GRID2: variants seen among roughly 807,000 people sequenced by gnomAD.
GRID2 encodes glutamate ionotropic receptor delta type subunit 2.
A neutral mutation model predicts 114.8 loss-of-function variants in GRID2; 33 were observed. The ratio of observed to expected loss-of-function variants is 0.29; its 90% CI spans 0.22 to 0.38. The LOEUF is 0.38. GRID2 is among the 10% of genes least tolerant of loss of function. The pLI is 1.00. For missense variants in GRID2, 1,184 were observed against 1,257.7 expected, an observed-to-expected ratio of 0.94 and a Z score of 0.89; for synonymous variants, 505 against 449.9, an observed-to-expected ratio of 1.12 and a Z score of -1.55.
intron 2 of GRID2, among the ~76,000 whole-genome samples, chr4:93,071,030 C>T (rs1728762168): frequency 6.6e-6 from 1 of 151,998 alleles, no homozygotes; most frequent in South Asian, 2.1e-4. Context: ...CTTATATATT[C>T]TAGTCTTATT....
At chr4:92,476,305 G>C (rs55705165) in intron 1 of GRID2, among the ~76,000 whole-genome samples, 1 of 152,210 alleles carries the variant, frequency 6.6e-6, no homozygotes, top group South Asian at 2.1e-4. Context: ...AATTATAGGC[G>C]TGAGCAACTG....
chr4:93,340,520 G>A (rs1230970867), intron 8 of GRID2, among the ~76,000 whole-genome samples: 1 of 151,726 alleles, frequency 6.6e-6, no homozygotes, highest in Admixed American at 6.6e-5. Flanking sequence ...AGTTTTTTTG[G>A]TTGTTTTGTG....
At chr4:93,313,249 A>T (rs1024732868) in intron 8 of GRID2, among the ~76,000 whole-genome samples, 12 of 152,170 alleles carry the variant, frequency 7.9e-5, no homozygotes, top group Non-Finnish European at 1.3e-4. Flanking sequence ...CAAAAGGGAC[A>T]TAAGGGAGCA....
chr4:93,046,511 G>A (rs1726151292), intron 2 of GRID2, among the ~76,000 whole-genome samples: 1 of 152,140 alleles, frequency 6.6e-6, no homozygotes, highest in Non-Finnish European at 1.5e-5. Flanking sequence ...AGTTTAGAAA[G>A]TTTACAGAAA....
At chr4:92,730,832 C>A (rs1243017592) in intron 2 of GRID2, among the ~76,000 whole-genome samples, 1 of 151,938 alleles carries the variant, frequency 6.6e-6, no homozygotes. Context: ...TAATTCAAAT[C>A]TTTGCAGAAG....
At chr4:92,910,099 T>G (rs1055001484) in intron 2 of GRID2, among the ~76,000 whole-genome samples, 3 of 151,964 alleles carry the variant, frequency 2.0e-5, no homozygotes, top group Non-Finnish European at 2.9e-5. Flanking sequence ...GGTGAGAAAT[T>G]TAAAGCCATT....
intron 10 of GRID2, among the ~76,000 whole-genome samples, chr4:93,445,474 CT>C (rs1560626316): frequency 6.6e-6 from 1 of 151,882 alleles, no homozygotes; most frequent in East Asian, 1.9e-4. Flanking sequence ...TATTTTTCAT[CT>C]TAGTTTTGCT....
At chr4:93,807,313 T>C (rs1007599187) in exon 2 of GRID2, 1 of 152,212 alleles carries the variant, frequency 6.6e-6, no homozygotes. Flanking sequence ...CCAAGGAGAA[T>C]GGCAGAACTT....
Position 92,449,663 on chromosome 4 carries a change from A to G in GRID2, c.89-140468A>G, listed in dbSNP as rs547640383. On this transcript the variant is annotated intron_variant, in intron 1 of 15. Transcript: ENST00000282020. ...ACTTGTAATATAATCAAATATGTCT[A>G]TCTTTTCTTACTGATATATATATAT... 3.2e-5 allele frequency among the ~76,000 whole-genome samples: 4 copies of G among 124,756 alleles called. No individual in the cohort carries two copies. In the East Asian group the frequency reaches 6.8e-4, roughly 21 times the overall value. 81.8% of individuals were successfully genotyped at this position (124,756 alleles called of 152,430 possible).
intron 14 of GRID2, among the ~76,000 whole-genome samples, chr4:93,746,563 A>G (rs768118272): frequency 6.6e-6 from 1 of 152,130 alleles, no homozygotes; most frequent in Non-Finnish European, 1.5e-5. Context: ...ATCATTTTGC[A>G]ACATGTTTTC....
intron 1 of GRID2, among the ~76,000 whole-genome samples, chr4:92,524,607 G>T (rs994650207): frequency 6.6e-6 from 1 of 151,180 alleles, no homozygotes; most frequent in Non-Finnish European, 1.5e-5. Context: ...AAAAATCCAG[G>T]GTACTTTCCC....
intron 1 of GRID2, among the ~76,000 whole-genome samples, chr4:92,511,396 A>G (rs1323084053): frequency 6.6e-6 from 1 of 151,868 alleles, no homozygotes; most frequent in Non-Finnish European, 1.5e-5. Flanking sequence ...GTCCACCGCC[A>G]ACACTGGGAA....
intron 12 of GRID2, among the ~76,000 whole-genome samples, chr4:93,491,933 A>G (rs930078630): frequency 1.1e-4 from 17 of 152,018 alleles, no homozygotes; most frequent in African/African-American, 4.1e-4. Flanking sequence ...TTATCCATTC[A>G]TAAAATTGAT....
chr4:93,569,848 C>T (rs558709009), intron 13 of GRID2, among the ~76,000 whole-genome samples: 123 of 152,246 alleles, frequency 8.1e-4, no homozygotes, highest in Non-Finnish European at 1.2e-3. Context: ...AAAAAAGAAA[C>T]CTACCTGACT....
chr4:93,310,371 C>T (rs1444844359), intron 8 of GRID2, among the ~76,000 whole-genome samples: 1 of 151,860 alleles, frequency 6.6e-6, no homozygotes, highest in Non-Finnish European at 1.5e-5. Context: ...AACAAACACA[C>T]ACACAAAAAG....
At chr4:93,424,614 C>A (rs1768660178) in intron 10 of GRID2, among the ~76,000 whole-genome samples, 1 of 151,946 alleles carries the variant, frequency 6.6e-6, no homozygotes. Context: ...CTACAAGTTT[C>A]TCTTCATTTT....
At chr4:93,124,163 G>T (rs975147113) in intron 4 of GRID2, among the ~76,000 whole-genome samples, 1 of 151,424 alleles carries the variant, frequency 6.6e-6, no homozygotes, top group Middle Eastern at 3.2e-3. Flanking sequence ...GGCAGTGTTT[G>T]TCTATTGCTG....
chr4:92,718,604 T>G (rs939977303), intron 2 of GRID2, among the ~76,000 whole-genome samples: 1 of 151,482 alleles, frequency 6.6e-6, no homozygotes. Context: ...TCTCTGCAAT[T>G]TTTTTTTAAA....
chr4:93,172,433 T>C (rs1197118970), intron 4 of GRID2, among the ~76,000 whole-genome samples: 4 of 151,260 alleles, frequency 2.6e-5, no homozygotes, highest in Non-Finnish European at 4.4e-5. Flanking sequence ...TCTACTAAAG[T>C]TACAAAAAAT....
Sources: allele counts gnomAD v4.1 joint callset (sites outside exome capture counted in the v4.1 genomes callset), GRCh38; gene constraint gnomAD v4.1.1; transcripts MANE v1.5; gene names NCBI Gene and HGNC (gene_info 2026-07-23, HGNC 2026-07-21).